Variants in CTBP2 observed in about 807,000 individuals in gnomAD.
The protein encoded by CTBP2 is C-terminal binding protein 2.
In CTBP2, 30 loss-of-function variants were observed where a neutral mutation model predicts 80.3. That is an observed-to-expected ratio of 0.37 (90% CI 0.28 to 0.51). The LOEUF (loss-of-function observed/expected upper bound fraction) is 0.51, where lower values mean the gene tolerates loss of function less well. CTBP2 is among the 20% of genes least tolerant of loss of function. CTBP2 has a pLI of 0.93. For synonymous variants in CTBP2, 594 were observed against 587.4 expected, an observed-to-expected ratio of 1.01 and a Z score of -0.16; for missense variants, 1,212 against 1,375.3, an observed-to-expected ratio of 0.88 and a Z score of 1.88.
chr10:125,139,479 G>C (rs771614885), intron 1 of CTBP2, among the ~76,000 whole-genome samples: 7 of 151,800 alleles, frequency 4.6e-5, no homozygotes, highest in Non-Finnish European at 1.0e-4. Context: ...TTTCTTAAGT[G>C]GTCCCCTTTC....
At chr10:125,021,632 G>A (rs1957047466) in intron 1 of CTBP2, among the ~76,000 whole-genome samples, 2 of 152,160 alleles carry the variant, frequency 1.3e-5, no homozygotes, top group Non-Finnish European at 2.9e-5. Context: ...GAAGGCGGAG[G>A]GTGATCTGGC....
At chr10:125,095,984 T>TAGGA (rs1184433206) in intron 2 of CTBP2, among the ~76,000 whole-genome samples, 2 of 152,080 alleles carry the variant, frequency 1.3e-5, no homozygotes, top group Non-Finnish European at 2.9e-5. Context: ...CAGCCGTTTC[T>TAGGA]AGGAAGCCCT....
At chr10:125,043,600 GCTA>G (rs1960448812) in intron 2 of CTBP2, among the ~76,000 whole-genome samples, 1 of 151,930 alleles carries the variant, frequency 6.6e-6, no homozygotes, top group Non-Finnish European at 1.5e-5. Flanking sequence ...ACCACGCCCG[GCTA>G]CTTTTTGTAC....
intron 2 of CTBP2, among the ~76,000 whole-genome samples, chr10:125,099,082 G>A (rs1024272637): frequency 1.3e-5 from 2 of 152,152 alleles, no homozygotes; most frequent in Non-Finnish European, 2.9e-5. Context: ...ACTAGCACAC[G>A]GTCAGGCACG....
At chr10:125,136,925 A>G (rs748135243) in intron 1 of CTBP2, among the ~76,000 whole-genome samples, 6 of 152,198 alleles carry the variant, frequency 3.9e-5, no homozygotes, top group Non-Finnish European at 8.8e-5. Flanking sequence ...AGCGATTTCA[A>G]ATGGGCTCCG....
At chr10:125,067,100 C>T (rs909515628) in intron 2 of CTBP2, among the ~76,000 whole-genome samples, 5 of 152,166 alleles carry the variant, frequency 3.3e-5, no homozygotes, top group African/African-American at 9.7e-5. Flanking sequence ...ACACTTTTTT[C>T]TTTCAAGAAT....
chr10:125,006,077 G>T, intron 1 of CTBP2: 2 of 1,231,522 alleles, frequency 1.6e-6, no homozygotes, highest in Non-Finnish European at 2.1e-6. Flanking sequence ...ACTCCAGGTT[G>T]CCTAGCGATC....
chr10:125,042,886 C>T (rs1590279045), intron 2 of CTBP2, among the ~76,000 whole-genome samples: 1 of 92,374 alleles, frequency 1.1e-5, no homozygotes, highest in Non-Finnish European at 2.1e-5. Context: ...GAAGCCAAAC[C>T]GCACAAGAAA....
intron 2 of CTBP2, among the ~76,000 whole-genome samples, chr10:125,042,770 C>T (rs773776975): frequency 4.6e-5 from 7 of 152,136 alleles, no homozygotes; most frequent in African/African-American, 7.2e-5. Flanking sequence ...CACTCATCCC[C>T]GCAGCGAATA....
chr10:125,112,081 C>A (rs149872676), intron 1 of CTBP2, among the ~76,000 whole-genome samples: 23 of 150,944 alleles, frequency 1.5e-4, no homozygotes, highest in Admixed American at 4.6e-4. Flanking sequence ...CAAAAAGGCA[C>A]GAACCACATT....
chr10:125,051,588 T>C (rs960300641), intron 2 of CTBP2, among the ~76,000 whole-genome samples: 36 of 151,112 alleles, frequency 2.4e-4, no homozygotes, highest in Non-Finnish European at 4.7e-4. Context: ...TGCAGTGAAC[T>C]GAGATCACGC....
intron 2 of CTBP2, among the ~76,000 whole-genome samples, chr10:125,059,531 G>A (rs1171770317): frequency 2.6e-5 from 4 of 152,148 alleles, no homozygotes; most frequent in South Asian, 2.1e-4. Context: ...GCAGTGAGCA[G>A]AGATTGCATC....
intron 2 of CTBP2, among the ~76,000 whole-genome samples, chr10:125,092,230 G>A (rs906743325): frequency 1.4e-5 from 2 of 139,564 alleles, no homozygotes; most frequent in African/African-American, 5.3e-5. Context: ...TGCCCAGGCT[G>A]GAGTACAGTG....
At chr10:125,161,711 A>G (rs1040312729), upstream of CTBP2, among the ~76,000 whole-genome samples, 3 of 150,460 alleles carry the variant, frequency 2.0e-5, no homozygotes, top group Non-Finnish European at 3.0e-5. Flanking sequence ...ATTCTTACAC[A>G]TTGAAAAAAA....
At chr10:125,060,356 T>A (rs1362194180) in intron 2 of CTBP2, among the ~76,000 whole-genome samples, 2 of 152,196 alleles carry the variant, frequency 1.3e-5, no homozygotes, top group Non-Finnish European at 2.9e-5. Flanking sequence ...TGTCATGAAA[T>A]AAGTCACTCG....
At chr10:125,098,750 C>CAGAGAGACAGAGAGAGAGAGAGAGAGAG (rs1850104878) in intron 2 of CTBP2, among the ~76,000 whole-genome samples, 1 of 75,482 alleles carries the variant, frequency 1.3e-5, no homozygotes, top group African/African-American at 6.7e-5. Context: ...GAGAGAGAGA[C>CAGAGAGACAGAGAGAGAGAGAGAGAGAG]AGAGAGAGAG....
chr10:125,003,391 G>A lies in CTBP2; in HGVS notation c.1780C>T (p.Leu594=), dbSNP rs565412483. ...GCGTCACAGAAGGCCACAGTGGCCA[G>A]GTCCTTCAGGATGGGCATCTCCACA... is the stretch of plus-strand genomic sequence containing the variant. The change falls in exon 2 of 9, where the codon CTG becomes TTG. Residue 594 remains leucine, a synonymous_variant. Transcript: ENST00000309035. The A allele has an allele frequency of 1.4e-5, 22 of 1,607,040 alleles. 1 individual carries two copies. Among genetic ancestry groups the A allele is most frequent in the Middle Eastern group, 3.4e-4 (2 of 5,844 alleles).
At chr10:125,154,839 G>C (rs897617930) in intron 1 of CTBP2, among the ~76,000 whole-genome samples, 7 of 152,194 alleles carry the variant, frequency 4.6e-5, no homozygotes, top group Non-Finnish European at 1.0e-4. Context: ...AATGGGGGAG[G>C]AGCTTTTTCC....
chr10:125,125,766 C>T (rs1483648252), intron 1 of CTBP2, among the ~76,000 whole-genome samples: 2 of 152,192 alleles, frequency 1.3e-5, no homozygotes, highest in African/African-American at 4.8e-5. Flanking sequence ...CGACATCCAG[C>T]AGAGATGACA....
Sources: gnomAD v4.1 joint callset for allele counts (sites outside exome capture counted in the v4.1 genomes callset) on GRCh38, gnomAD v4.1.1 for gene constraint, MANE v1.5 for transcripts, NCBI Gene and HGNC (gene_info 2026-07-23, HGNC 2026-07-21) for gene names.